ENTREP2: variants seen among roughly 807,000 people sequenced by gnomAD.
ENTREP2 encodes the protein endosomal transmembrane epsin interactor 2, also known as protein ENTREP2.
the ENTREP2 span, among the ~76,000 whole-genome samples, chr15:29,403,505 A>G: frequency 6.6e-6 from 1 of 152,242 alleles, no homozygotes; most frequent in South Asian, 2.1e-4. Flanking sequence ...ATGAAAAGCT[A>G]TCAGAGTATA....
the ENTREP2 span, among the ~76,000 whole-genome samples, chr15:29,474,321 G>A: frequency 3.3e-5 from 5 of 152,114 alleles, no homozygotes; most frequent in African/African-American, 4.8e-5. Context: ...GAAAGGCTGC[G>A]CCCGGCGTCA....
the ENTREP2 span, among the ~76,000 whole-genome samples, chr15:29,514,816 G>A: frequency 6.6e-6 from 1 of 152,178 alleles, no homozygotes; most frequent in Non-Finnish European, 1.5e-5. Flanking sequence ...ATAAAAGAGT[G>A]AGGAATGGAG....
At chr15:29,406,879 A>AT in the ENTREP2 span, among the ~76,000 whole-genome samples, 1 of 152,192 alleles carries the variant, frequency 6.6e-6, no homozygotes, top group African/African-American at 2.4e-5. Flanking sequence ...ACCTTTTGAT[A>AT]TTTCAGCATT....
chr15:29,217,015 G>GT, the ENTREP2 span, among the ~76,000 whole-genome samples: 9 of 152,146 alleles, frequency 5.9e-5, no homozygotes, highest in African/African-American at 2.2e-4. Flanking sequence ...AGGAAGGGGG[G>GT]GTCTAGTTAA....
At chr15:29,369,968 C>CCT in the ENTREP2 span, among the ~76,000 whole-genome samples, 2 of 152,190 alleles carry the variant, frequency 1.3e-5, no homozygotes, top group Non-Finnish European at 2.9e-5. Flanking sequence ...AAGGCCCTCA[C>CCT]CAGAAGCAGG....
chr15:29,490,228 T>C, the ENTREP2 span, among the ~76,000 whole-genome samples: 1 of 151,950 alleles, frequency 6.6e-6, no homozygotes, highest in Admixed American at 6.6e-5. Flanking sequence ...ATGTTGGGAG[T>C]TTCTTCCTTC....
chr15:29,212,246 T>C, the ENTREP2 span, among the ~76,000 whole-genome samples: 1 of 152,194 alleles, frequency 6.6e-6, no homozygotes, highest in East Asian at 1.9e-4. Flanking sequence ...TCTTCTAGGT[T>C]TTCTAGTTTA....
At chr15:29,412,780 T>A in the ENTREP2 span, among the ~76,000 whole-genome samples, 1 of 152,240 alleles carries the variant, frequency 6.6e-6, no homozygotes, top group Non-Finnish European at 1.5e-5. Context: ...GCTATGTTTA[T>A]CCTCTTTATT....
chr15:29,549,082 T>C, the ENTREP2 span, among the ~76,000 whole-genome samples: 6 of 152,184 alleles, frequency 3.9e-5, no homozygotes, highest in African/African-American at 1.4e-4. Flanking sequence ...AGACGAACAC[T>C]GAGCCATTAA....
chr15:29,161,797 A>G, the ENTREP2 span, among the ~76,000 whole-genome samples: 3 of 152,302 alleles, frequency 2.0e-5, no homozygotes, highest in Non-Finnish European at 4.4e-5. Context: ...TGCAGCACAC[A>G]TAGGATCATG....
At chr15:29,140,113 C>T in the ENTREP2 span, among the ~76,000 whole-genome samples, 72 of 152,310 alleles carry the variant, frequency 4.7e-4, 1 homozygote, top group South Asian at 0.015. Flanking sequence ...CGCACTTATT[C>T]CACTCTCTGT....
the ENTREP2 span, chr15:29,124,755 G>T: frequency 6.4e-7 from 1 of 1,550,494 alleles, no homozygotes; most frequent in Non-Finnish European, 8.7e-7. Flanking sequence ...GTGTGAAGAG[G>T]CATCGCCTTA....
chr15:29,168,658 A>G, the ENTREP2 span, among the ~76,000 whole-genome samples: 1 of 152,238 alleles, frequency 6.6e-6, no homozygotes, highest in Non-Finnish European at 1.5e-5. Flanking sequence ...TGAAGCTATA[A>G]TTTCAAGAGG....
the ENTREP2 span, chr15:29,123,643 C>T: frequency 2.7e-4 from 411 of 1,548,762 alleles, 2 homozygotes; most frequent in African/African-American, 5.0e-3. Flanking sequence ...CGTGGCAGAG[C>T]GAGACATGGA....
At chr15:29,393,616 G>C in the ENTREP2 span, among the ~76,000 whole-genome samples, 6 of 152,158 alleles carry the variant, frequency 3.9e-5, no homozygotes, top group Admixed American at 2.0e-4. Flanking sequence ...TTGTTCTATA[G>C]GAGAAGCATC....
chr15:29,535,609 G>A, the ENTREP2 span, among the ~76,000 whole-genome samples: 1,420 of 152,244 alleles, frequency 9.3e-3, 15 homozygotes, highest in African/African-American at 0.033. Context: ...AAGATCACTC[G>A]AGCCTGGGAG....
At chr15:29,159,203 C>T in the ENTREP2 span, among the ~76,000 whole-genome samples, 1 of 151,862 alleles carries the variant, frequency 6.6e-6, no homozygotes, top group East Asian at 1.9e-4. Context: ...TTTGTGGTCT[C>T]GCTGGCCTAG....
At chr15:29,242,738 G>A in the ENTREP2 span, among the ~76,000 whole-genome samples, 2 of 152,176 alleles carry the variant, frequency 1.3e-5, no homozygotes, top group African/African-American at 4.8e-5. Context: ...GCGAATGATG[G>A]GGAAATGTCA....
chr15:29,320,412 A>C, the ENTREP2 span, among the ~76,000 whole-genome samples: 1 of 152,176 alleles, frequency 6.6e-6, no homozygotes, highest in African/African-American at 2.4e-5. Flanking sequence ...TTAATATAAA[A>C]CCTCACAGGT....
Sources: allele counts gnomAD v4.1 joint callset (sites outside exome capture counted in the v4.1 genomes callset), GRCh38; gene constraint gnomAD v4.1.1; transcripts MANE v1.5; gene names NCBI Gene and HGNC (gene_info 2026-07-23, HGNC 2026-07-21).